RPL32: variants seen among roughly 807,000 people sequenced by gnomAD.
The protein encoded by RPL32 is large ribosomal subunit protein eL32.
For missense variants in RPL32, 117 were observed against 173.7 expected (o/e 0.67, Z 1.83); for synonymous variants, 61 against 62.6 (o/e 0.98, Z 0.12).
chr3:12,838,573 C>A (rs1375628279), intron 3 of RPL32, among the ~76,000 whole-genome samples: 1 of 152,070 alleles, frequency 6.6e-6, no homozygotes, highest in Non-Finnish European at 1.5e-5. Context: ...ATACCCCTTA[C>A]CACAGCACAG....
intron 3 of RPL32, among the ~76,000 whole-genome samples, chr3:12,838,708 G>C (rs1446576860): frequency 6.6e-6 from 1 of 152,056 alleles, no homozygotes; most frequent in Non-Finnish European, 1.5e-5. Flanking sequence ...GGCACTCTTG[G>C]TTTCCACAAC....
At chr3:12,836,829 C>T (rs777778992) in intron 3 of RPL32, among the ~76,000 whole-genome samples, 177 of 152,276 alleles carry the variant, frequency 1.2e-3, no homozygotes, top group Middle Eastern at 3.4e-3. Context: ...ACCAATAGGC[C>T]TAACAAGCAC....
At chr3:12,839,966 A>C (rs1420209885) in intron 2 of RPL32, among the ~76,000 whole-genome samples, 176 bp downstream of exon 2, 2 of 152,214 alleles carry the variant, frequency 1.3e-5, no homozygotes, top group Non-Finnish European at 2.9e-5. Flanking sequence ...TTCGCTTCAC[A>C]CATCAAGAGA....
At chr3:12,837,020 T>C (rs1398309776) in intron 3 of RPL32, among the ~76,000 whole-genome samples, 5 of 152,246 alleles carry the variant, frequency 3.3e-5, no homozygotes, top group Non-Finnish European at 7.3e-5. Context: ...CAGACAATTC[T>C]TGTTTTATAT....
intron 3 of RPL32, 96 bp from the exon 4 acceptor site, chr3:12,836,319 G>T: frequency 6.8e-7 from 1 of 1,472,202 alleles, no homozygotes; most frequent in South Asian, 1.2e-5. Flanking sequence ...CAAGCTAAGA[G>T]AGGGCTGCTT....
chr3:12,839,422 T>C lies in RPL32; in HGVS notation c.205A>G (p.Met69Val). The C allele has an allele frequency of 6.2e-7, 1 of 1,614,182 alleles. No individual in the cohort carries two copies. Among genetic ancestry groups the C allele is most frequent in the Non-Finnish European group, 8.5e-7 (1 of 1,180,036 alleles). The change falls in exon 3 of 4, where the codon ATG becomes GTG. Residue 69 changes from methionine to valine, a missense_variant. By Grantham distance (21) the Met-to-Val change is conservative (BLOSUM62 1). Coordinates refer to ENST00000429711, the MANE Select transcript of RPL32 (RefSeq NM_000994.4). ...GYGSNKKTKH[M>V]LPSGFRKFLV... ...AACTTCCGGAAGCCACTGGGCAGCA[T>C]GTGCTTTGTTTTTTTGTTGCTTCCA...
chr3:12,835,937 C>G lies in RPL32; in HGVS notation c.*157G>C. ...CAAGGACTGAGTGTCCTTTACAAAT[C>G]CCCTCCAAATGGGAGATTCCAAAGG... On this transcript the variant is annotated 3_prime_UTR_variant, in exon 4 of 4. Transcript: ENST00000429711. 1 of 826,878 alleles carries G rather than the reference C, an allele frequency of 1.2e-6. No homozygotes were observed. Among genetic ancestry groups the G allele is most frequent in the African/African-American group, 1.7e-5 (1 of 58,556 alleles). 51.2% of individuals were successfully genotyped at this position (826,878 alleles called of 1,614,324 possible). A position where few individuals can be genotyped will look rare whatever the true frequency, so the allele number is the denominator to read the frequency against.
intron 3 of RPL32, among the ~76,000 whole-genome samples, chr3:12,837,912 G>A (rs1203371219): frequency 1.3e-5 from 2 of 152,160 alleles, no homozygotes; most frequent in African/African-American, 4.8e-5. Context: ...TATACACAAA[G>A]CTCACCAAGT....
chr3:12,837,224 C>T (rs899908904), intron 3 of RPL32, among the ~76,000 whole-genome samples: 1 of 152,208 alleles, frequency 6.6e-6, no homozygotes, highest in Non-Finnish European at 1.5e-5. Context: ...GCATTTTCCA[C>T]ACTACAACAC....
intron 2 of RPL32, 131 bp from the exon 3 acceptor site, chr3:12,839,661 A>G (rs2062130855): frequency 7.7e-6 from 7 of 912,080 alleles, no homozygotes; most frequent in Non-Finnish European, 1.2e-5. Flanking sequence ...ACAGGACTTC[A>G]CTATTTCCTT....
chr3:12,840,068 G>A (rs2062135985), intron 2 of RPL32, 74 bp downstream of exon 2: 1 of 1,167,618 alleles, frequency 8.6e-7, no homozygotes, highest in Admixed American at 1.7e-5. Flanking sequence ...AGATAATCCT[G>A]ACTAGGTGAT....
rs113332299 is a variant in RPL32 at position 12,834,986 on chromosome 3, C to T, written c.*1108G>A. On this transcript the variant is annotated 3_prime_UTR_variant, in exon 4 of 4. Transcript: ENST00000429711. ...TAAATATTTATGACTAGGTTTTGAACAGGAGACAATCTGTAAGATTCCTGT... is the reference window on the plus strand; with the variant it reads ...TAAATATTTATGACTAGGTTTTGAATAGGAGACAATCTGTAAGATTCCTGT... The T allele has an allele frequency of 6.6e-6, 1 of 152,138 alleles. No homozygotes were observed. The allele number at this position is 152,138 out of a possible 1,614,324, so 9.4% of individuals were successfully genotyped here.
At chr3:12,841,164 C>T (rs1486342584) in intron 1 of RPL32, 2 of 152,354 alleles carry the variant, frequency 1.3e-5, no homozygotes, top group African/African-American at 4.8e-5. Flanking sequence ...CTGGGATCCA[C>T]AGATCCCAGC....
In RPL32 at chr3:12,835,892, T is replaced by C; in HGVS notation, c.*202A>G. ...GATGACTAAGGCTAGTCTGTGCACT[T>C]GAGGCCACATTCCCCTGTTCAAGGA... On this transcript the variant is annotated 3_prime_UTR_variant, in exon 4 of 4. Coordinates refer to ENST00000429711, the MANE Select transcript of RPL32 (RefSeq NM_000994.4). 1.6e-6 allele frequency: 1 copy of C among 607,118 alleles called. No homozygotes were observed. Among genetic ancestry groups the C allele is most frequent in the Non-Finnish European group, 2.8e-6 (1 of 353,904 alleles). 37.6% of individuals were successfully genotyped at this position (607,118 alleles called of 1,614,324 possible).
chr3:12,841,199 C>T (rs2062150047), intron 1 of RPL32: 1 of 152,360 alleles, frequency 6.6e-6, no homozygotes, highest in Non-Finnish European at 1.5e-5. Context: ...CTGGGCCACC[C>T]CTGGTCGTCC....
Position 12,835,976 on chromosome 3 carries a change from G to T in RPL32, c.*118C>A. 3 of 1,279,370 alleles carry T rather than the reference G, an allele frequency of 2.3e-6. No individual in the cohort carries two copies. The highest frequency in any genetic ancestry group is 3.3e-6 in the Non-Finnish European group (3 of 914,302). The allele number at this position is 1,279,370 out of a possible 1,614,324, so 79.3% of individuals were successfully genotyped here. A position where few individuals can be genotyped will look rare whatever the true frequency, so the allele number is the denominator to read the frequency against. On this transcript the variant is annotated 3_prime_UTR_variant, in exon 4 of 4. Transcript: ENST00000429711. ...AGATTCCAAAGGGGCTTAAGCAAAAGAACAATCTCTGTGGCAAACTAAGTT... is the reference window on the plus strand; with the variant it reads ...AGATTCCAAAGGGGCTTAAGCAAAATAACAATCTCTGTGGCAAACTAAGTT...
rs1240927459 is a variant in RPL32 at position 12,835,985 on chromosome 3, CTG to C, written c.*107_*108del. ...AGGGGCTTAAGCAAAAGAACAATCT[CTG>C]TGGCAAACTAAGTTGGCCAAGAAGC... On this transcript the variant is annotated 3_prime_UTR_variant, in exon 4 of 4. Transcript: ENST00000429711. 45 of 1,346,666 alleles carry C rather than the reference CTG, an allele frequency of 3.3e-5. No individual in the cohort carries two copies. In the Admixed American group the frequency reaches 7.9e-4, roughly 24 times the overall value. The allele number at this position is 1,346,666 out of a possible 1,614,324, so 83.4% of individuals were successfully genotyped here.
rs543426540 is a variant in RPL32 at position 12,836,286 on chromosome 3, G to A, written c.279-63C>T. Reference sequence around the variant, plus strand: ...CTCAACACACTTGGAAAATTCCATTGGAGAGGCAATGAGTCCCAGCACCAA... The same window carrying A: ...CTCAACACACTTGGAAAATTCCATTAGAGAGGCAATGAGTCCCAGCACCAA... On this transcript the variant is annotated intron_variant, in intron 3 of 3. Transcript: ENST00000429711. 18 of 1,593,130 alleles carry A rather than the reference G, an allele frequency of 1.1e-5. No individual in the cohort carries two copies. In the East Asian group the frequency reaches 4.0e-4, roughly 36 times the overall value.
In RPL32 at chr3:12,835,779, C is replaced by A. The variant is rs1473425074; in HGVS notation, c.*315G>T. ...CAAGGCTAAGAATGACTACTTGTGG[C>A]TTGGGAGCCACAAGCTTCTTCAAGT... On this transcript the variant is annotated 3_prime_UTR_variant, in exon 4 of 4. Transcript: ENST00000429711. 1 of 260,900 alleles carries A rather than the reference C, an allele frequency of 3.8e-6. No homozygotes were observed. The highest frequency in any genetic ancestry group is 2.2e-5 in the African/African-American group (1 of 45,054). 16.2% of individuals were successfully genotyped at this position (260,900 alleles called of 1,614,324 possible).
Sources: gnomAD v4.1 joint callset for allele counts (sites outside exome capture counted in the v4.1 genomes callset) on GRCh38, gnomAD v4.1.1 for gene constraint, MANE v1.5 for transcripts, NCBI Gene and HGNC (gene_info 2026-07-23, HGNC 2026-07-21) for gene names.